The following RIF1 variants were observed in gnomAD, a reference collection of about 807,000 sequenced individuals.
RIF1 encodes replication timing regulatory factor 1, also known as telomere-associated protein RIF1.
A neutral mutation model predicts 247.1 loss-of-function variants in RIF1; 45 were observed. The ratio of observed to expected loss-of-function variants is 0.18; its 90% CI spans 0.14 to 0.23. The LOEUF is 0.23. Among genes scored for constraint, RIF1 ranks in the 10% least tolerant of loss-of-function variants. The pLI is 1.00. For missense variants in RIF1, 2,967 were observed against 2,862.5 expected (o/e 1.04, Z -0.83); for synonymous variants, 1,087 against 978.8 (o/e 1.11, Z -2.06).
intron 10 of RIF1, chr2:151,496,222 AT>A: frequency 2.7e-6 from 4 of 1,455,700 alleles, no homozygotes; most frequent in Non-Finnish European, 3.8e-6. Context: ...ATTTTAAATC[AT>A]AAAAGTAGTT....
At chr2:151,449,619 G>T (rs990909303) in intron 20 of RIF1, among the ~76,000 whole-genome samples, 1 of 152,030 alleles carries the variant, frequency 6.6e-6, no homozygotes, top group African/African-American at 2.4e-5. Flanking sequence ...CAACCTTTTT[G>T]TTCTGAAGTC....
At chr2:151,518,984 G>A in the RIF1 span, 1 of 1,612,894 alleles carries the variant, frequency 6.2e-7, no homozygotes, top group Non-Finnish European at 8.5e-7. Flanking sequence ...AAGTTGGCTT[G>A]TATTCAGGAC....
chr2:151,466,548 T>TAA (rs201120384), intron 30 of RIF1, among the ~76,000 whole-genome samples: 3 of 148,128 alleles, frequency 2.0e-5, no homozygotes, highest in Admixed American at 6.7e-5. Context: ...CATATCTAAT[T>TAA]AAAAAAAAAA....
chr2:151,516,444 GT>G, the RIF1 span: 27 of 1,567,070 alleles, frequency 1.7e-5, no homozygotes, highest in Admixed American at 3.4e-5. Context: ...GTGTGGTGTG[GT>G]TTTTTTGACT....
At chr2:151,504,325 G>C (rs969989420) in intron 12 of RIF1, among the ~76,000 whole-genome samples, 1 of 152,124 alleles carries the variant, frequency 6.6e-6, no homozygotes, top group African/African-American at 2.4e-5. Flanking sequence ...TAACAAAGTT[G>C]CATTTCTTTA....
the RIF1 span, chr2:151,518,350 G>C: frequency 5.0e-6 from 8 of 1,611,312 alleles, no homozygotes; most frequent in Non-Finnish European, 6.8e-6. Flanking sequence ...TCTTTTAGGT[G>C]AAGCTGCTCC....
At chr2:151,498,192 A>G in intron 10 of RIF1, 1 of 1,548,274 alleles carries the variant, frequency 6.5e-7, no homozygotes, top group Non-Finnish European at 8.7e-7. Context: ...AAACAAAAAT[A>G]AATAAATGTA....
rs1553495321 is a variant in RIF1, at chr2:151,464,934, A to C, written c.5414A>C (p.Asp1805Ala). The C allele has an allele frequency of 6.4e-7, 1 of 1,573,652 alleles. No individual in the cohort carries two copies. Among genetic ancestry groups the C allele is most frequent in the Non-Finnish European group, 8.6e-7 (1 of 1,166,776 alleles). ...CATTTGGGTCTCAAAGAGGATAATGATACTATTAATGATTCATTAATTGTT... is the reference window on the plus strand; with the variant it reads ...CATTTGGGTCTCAAAGAGGATAATGCTACTATTAATGATTCATTAATTGTT... ...NFHLGLKEDN[D>A]TINDSLIVSE... Residue 1805 changes from aspartate (D) to alanine (A), a missense_variant, in exon 30 of 36, where the codon GAT becomes GCT. Transcript: ENST00000444746.
chr2:151,500,521 AT>A (rs889361108), intron 11 of RIF1, among the ~76,000 whole-genome samples: 2 of 151,996 alleles, frequency 1.3e-5, no homozygotes, highest in Admixed American at 1.3e-4. Flanking sequence ...TTAAAAAAAA[AT>A]CAGAAGGCCT....
Position 151,469,986 on chromosome 2 carries a change from GTCTT to G in RIF1, c.7095+124_7095+127del, listed in dbSNP as rs1183021515. On this transcript the variant is annotated intron_variant, in intron 34 of 35. Coordinates refer to ENST00000444746, the MANE Select transcript of RIF1 (RefSeq NM_018151.5). ...GAAATTGATTCATTTATTTTGTACT[GTCTT>G]TATGCATTGCACCTCAGATAAATTT... is the stretch of plus-strand genomic sequence containing the variant. The G allele has an allele frequency of 3.6e-5, 22 of 607,026 alleles. No individual in the cohort carries two copies. The East Asian group carries it at 5.3e-4, about 15-fold the overall frequency. 37.6% of individuals were successfully genotyped at this position (607,026 alleles called of 1,614,324 possible).
intron 20 of RIF1, among the ~76,000 whole-genome samples, chr2:151,447,537 CTAT>C (rs778529034): frequency 7.2e-4 from 109 of 152,128 alleles, no homozygotes; most frequent in Non-Finnish European, 1.2e-3. Flanking sequence ...ACTTGGAATT[CTAT>C]TATTTATTTA....
chr2:151,509,210 T>C (rs1449549246), downstream of RIF1, among the ~76,000 whole-genome samples: 2 of 152,218 alleles, frequency 1.3e-5, no homozygotes, highest in Non-Finnish European at 2.9e-5. Flanking sequence ...ATTTTGTTCA[T>C]CTAAATGGAA....
In RIF1 at chr2:151,437,241, A is replaced by T. The variant is rs772291977; in HGVS notation, c.1373A>T (p.Glu458Val). 1 of 1,602,498 alleles carries T rather than the reference A, an allele frequency of 6.2e-7. No individual in the cohort carries two copies. Among genetic ancestry groups the T allele is most frequent in the Non-Finnish European group, 8.5e-7 (1 of 1,169,672 alleles). The change falls in exon 13 of 36, where the codon GAG becomes GTG. Residue 458 changes from glutamate (E) to valine (V), a missense_variant and splice_region_variant. By Grantham distance (121) the Glu-to-Val change is moderately radical (BLOSUM62 -2). This residue lies in a region of RIF1 where 369 missense variants were observed against 322.0 expected (regional missense o/e 1.15). Coordinates refer to ENST00000444746, the MANE Select transcript of RIF1 (RefSeq NM_018151.5). ...AKQNKLVLSLEPLEHPLISSP... is the reference protein window; with the variant it reads ...AKQNKLVLSLVPLEHPLISSP... ...ATTATCTTTTATTCTTCCCTTTCAGAGCCATTGGAACATCCGTTAATCAGC... is the reference window on the plus strand; with the variant it reads ...ATTATCTTTTATTCTTCCCTTTCAGTGCCATTGGAACATCCGTTAATCAGC...
chr2:151,458,019 T>C, intron 24 of RIF1, 56 bp downstream of exon 24: 2 of 1,221,984 alleles, frequency 1.6e-6, no homozygotes, highest in South Asian at 1.3e-5. Context: ...ATCATATAAA[T>C]TGATACTTTG....
rs1243061568 is a variant in RIF1, at chr2:151,468,011, C to G, written c.6612C>G (p.Val2204=). The part of the protein sequence containing the change: ...ISSPVNKVRR[V]SFADPIYQAG... The stretch of plus-strand genomic sequence containing the variant: ...ACCTGTGTTTTCAGGTTCGCCGTGT[C>G]TCCTTTGCAGATCCAATATACCAAG... Residue 2204 remains valine, a synonymous_variant, in exon 31 of 36, where the codon GTC becomes GTG. Coordinates refer to ENST00000444746, the MANE Select transcript of RIF1 (RefSeq NM_018151.5). The G allele has an allele frequency of 1.2e-6, 2 of 1,610,378 alleles. No homozygotes were observed. The highest frequency in any genetic ancestry group is 1.7e-6 in the Non-Finnish European group (2 of 1,178,922).
chr2:151,410,667 G>A (rs989013984), intron 2 of RIF1, 140 bp downstream of exon 2: 1 of 686,308 alleles, frequency 1.5e-6, no homozygotes, highest in Admixed American at 2.6e-5. Flanking sequence ...CGGACGCCTT[G>A]GGGGGCGGGG....
intron 13 of RIF1, chr2:151,507,205 AT>A: frequency 1.9e-6 from 1 of 537,536 alleles, no homozygotes. Context: ...TAAAAAACAT[AT>A]AAAGCTAGGG....
At chr2:151,514,498 A>G in the RIF1 span, 9 of 1,211,094 alleles carry the variant, frequency 7.4e-6, 1 homozygote, top group East Asian at 1.4e-4. Context: ...CAAAGAAGAA[A>G]ATAAAAAACA....
chr2:151,440,051 C>G lies in RIF1; in HGVS notation c.1571C>G (p.Ser524Cys), dbSNP rs1303041774. The G allele has an allele frequency of 9.7e-6, 15 of 1,551,950 alleles. No individual in the cohort carries two copies. The highest frequency in any genetic ancestry group is 1.2e-5 in the Non-Finnish European group (14 of 1,141,858). ...ESGNKKEKPG[S>C]EVLTLLLKSL... The stretch of plus-strand genomic sequence containing the variant: ...GGTAACAAAAAAGAGAAACCAGGTT[C>G]TGAAGTTTTGACTCTCTTATTAAAG... Residue 524 changes from serine to cysteine, a missense_variant, in exon 15 of 36, where the codon TCT becomes TGT. Ser to Cys is a moderately radical substitution (Grantham distance 112). This residue lies in a region of RIF1 where 369 missense variants were observed against 322.0 expected (regional missense o/e 1.15). Coordinates refer to ENST00000444746, the MANE Select transcript of RIF1 (RefSeq NM_018151.5).
Sources: gnomAD v4.1 joint callset for allele counts (sites outside exome capture counted in the v4.1 genomes callset) on GRCh38, gnomAD v4.1.1 for gene constraint, gnomAD v4.1.1 regional missense constraint, MANE v1.5 for transcripts, NCBI Gene and HGNC (gene_info 2026-07-23, HGNC 2026-07-21) for gene names.